The following MACROD2 variants were observed in gnomAD, a reference collection of about 807,000 sequenced individuals.
The protein encoded by MACROD2 is mono-ADP ribosylhydrolase 2.
A neutral mutation model predicts 70.4 loss-of-function variants in MACROD2; 36 were observed. The observed-to-expected ratio is 0.51, with a 90% CI of 0.39 to 0.68. The LOEUF is 0.68. Among genes scored for constraint, MACROD2 ranks in the 30% least tolerant of loss-of-function variants. The pLI is 0.00. For missense variants in MACROD2, 496 were observed against 538.4 expected (o/e 0.92, Z 0.78); for synonymous variants, 172 against 178.8 (o/e 0.96, Z 0.30).
intron 5 of MACROD2, among the ~76,000 whole-genome samples, chr20:14,749,363 A>G (rs768461899): frequency 6.6e-6 from 1 of 151,992 alleles, no homozygotes; most frequent in South Asian, 2.1e-4. Flanking sequence ...CATAGCTTAT[A>G]TTTCCTAATA....
intron 5 of MACROD2, among the ~76,000 whole-genome samples, chr20:15,050,862 A>G (rs1213434597): frequency 6.6e-6 from 1 of 152,116 alleles, no homozygotes; most frequent in Non-Finnish European, 1.5e-5. Context: ...ATATATGTAA[A>G]TTAGAATAAA....
chr20:14,931,739 G>A (rs1381945274), intron 5 of MACROD2, among the ~76,000 whole-genome samples: 4 of 111,006 alleles, frequency 3.6e-5, no homozygotes, highest in African/African-American at 8.5e-5. Flanking sequence ...TACACCTGGC[G>A]TGTAATCCAG....
chr20:14,192,162 C>A (rs538132526), intron 3 of MACROD2, among the ~76,000 whole-genome samples: 1 of 152,206 alleles, frequency 6.6e-6, no homozygotes, highest in East Asian at 1.9e-4. Context: ...TGGAAGTTTT[C>A]TCTTCTTCTT....
intron 3 of MACROD2, among the ~76,000 whole-genome samples, chr20:14,463,859 C>T (rs1250656721): frequency 1.3e-5 from 2 of 151,838 alleles, no homozygotes; most frequent in African/African-American, 4.8e-5. Flanking sequence ...TATGTTGAAC[C>T]AGCCTTGCAT....
At chr20:14,627,373 A>G (rs1432055629) in intron 4 of MACROD2, among the ~76,000 whole-genome samples, 2 of 152,188 alleles carry the variant, frequency 1.3e-5, no homozygotes, top group Non-Finnish European at 2.9e-5. Context: ...GTAGGAGCAC[A>G]GAAGCCCAGC....
chr20:15,982,039 T>C (rs922512162), intron 13 of MACROD2, among the ~76,000 whole-genome samples: 10 of 152,160 alleles, frequency 6.6e-5, no homozygotes, highest in Middle Eastern at 3.2e-3. Context: ...CTATGCTGCT[T>C]ACTATCAATA....
intron 5 of MACROD2, among the ~76,000 whole-genome samples, chr20:15,087,919 A>T (rs904838174): frequency 2.1e-4 from 32 of 152,072 alleles, no homozygotes; most frequent in African/African-American, 7.7e-4. Context: ...AGATATGTTT[A>T]ACCTTTCTAG....
intron 6 of MACROD2, among the ~76,000 whole-genome samples, chr20:15,296,990 TG>T (rs1420493794): frequency 6.6e-6 from 1 of 152,174 alleles, no homozygotes; most frequent in Admixed American, 6.5e-5. Context: ...GTAAATTGTT[TG>T]GCCTTCATTT....
chr20:14,915,596 G>A (rs575303579), intron 5 of MACROD2, among the ~76,000 whole-genome samples: 4 of 152,064 alleles, frequency 2.6e-5, no homozygotes, highest in Non-Finnish European at 5.9e-5. Flanking sequence ...TGCTTGCCTC[G>A]GCGTCCGAGG....
At chr20:14,436,868 T>C (rs1198851182) in intron 3 of MACROD2, among the ~76,000 whole-genome samples, 1 of 152,236 alleles carries the variant, frequency 6.6e-6, no homozygotes, top group African/African-American at 2.4e-5. Flanking sequence ...AAGCATGCAC[T>C]TACTGTGTAC....
chr20:14,920,206 T>C (rs1030744262), intron 5 of MACROD2, among the ~76,000 whole-genome samples: 6 of 152,208 alleles, frequency 3.9e-5, no homozygotes, highest in Non-Finnish European at 7.3e-5. Flanking sequence ...GAAAACCAGA[T>C]AGTTTTCCTT....
At chr20:14,854,524 T>G (rs2073232510) in intron 5 of MACROD2, among the ~76,000 whole-genome samples, 1 of 152,142 alleles carries the variant, frequency 6.6e-6, no homozygotes, top group African/African-American at 2.4e-5. Flanking sequence ...TTATGTTTAA[T>G]TATGCCACAA....
chr20:14,840,676 A>C (rs2073077738), intron 5 of MACROD2, among the ~76,000 whole-genome samples: 1 of 152,148 alleles, frequency 6.6e-6, no homozygotes, highest in African/African-American at 2.4e-5. Context: ...GGTTGAGTTA[A>C]ACTGGCCCTA....
At chr20:14,424,815 AC>A (rs2083916044) in intron 3 of MACROD2, among the ~76,000 whole-genome samples, 1 of 152,242 alleles carries the variant, frequency 6.6e-6, no homozygotes, top group South Asian at 2.1e-4. Flanking sequence ...GTTATAAGGT[AC>A]TTAATTTGAA....
At chr20:15,360,140 G>T (rs766609617) in intron 6 of MACROD2, among the ~76,000 whole-genome samples, 1 of 152,078 alleles carries the variant, frequency 6.6e-6, no homozygotes, top group Non-Finnish European at 1.5e-5. Context: ...TCTCCACTCG[G>T]TATAATGACA....
intron 5 of MACROD2, among the ~76,000 whole-genome samples, chr20:15,206,395 A>G (rs2076702490): frequency 6.6e-6 from 1 of 152,194 alleles, no homozygotes; most frequent in Admixed American, 6.5e-5. Context: ...TAAAAAGTAT[A>G]TAGTCATTCT....
At chr20:15,511,899 A>C (rs1416632884) in intron 8 of MACROD2, among the ~76,000 whole-genome samples, 6 of 152,250 alleles carry the variant, frequency 3.9e-5, no homozygotes, top group Non-Finnish European at 7.3e-5. Context: ...AATCTACTGT[A>C]TCAGAATATC....
intron 8 of MACROD2, among the ~76,000 whole-genome samples, chr20:15,659,304 CTTTTTTTTTTT>C (rs11468344): frequency 7.4e-5 from 5 of 67,264 alleles, no homozygotes; most frequent in African/African-American, 1.8e-4. Flanking sequence ...GATAGCACAG[CTTTTTTTTTTT>C]TTTTTTTTTT....
intron 4 of MACROD2, among the ~76,000 whole-genome samples, chr20:14,599,550 G>T (rs955461700): frequency 6.6e-6 from 1 of 152,208 alleles, no homozygotes; most frequent in African/African-American, 2.4e-5. Flanking sequence ...GGAAAAATAG[G>T]TAGAGACTGG....
Sources: gnomAD v4.1 joint callset for allele counts (sites outside exome capture counted in the v4.1 genomes callset) on GRCh38, gnomAD v4.1.1 for gene constraint, MANE v1.5 for transcripts, NCBI Gene and HGNC (gene_info 2026-07-23, HGNC 2026-07-21) for gene names.